Variants in PTPRQ observed in about 807,000 individuals in gnomAD.
PTPRQ encodes protein tyrosine phosphatase receptor type Q.
In PTPRQ, 199 loss-of-function variants were observed where a neutral mutation model predicts 246.0. That is an observed-to-expected ratio of 0.81 (90% CI 0.72 to 0.91). PTPRQ has a LOEUF of 0.91. Ranked by LOEUF, PTPRQ falls within the 40% of genes least tolerant of loss-of-function variation. PTPRQ has a pLI of 0.00. For missense variants in PTPRQ, 2,624 were observed against 2,528.4 expected, an observed-to-expected ratio of 1.04 and a Z score of -0.81; for synonymous variants, 869 against 853.2, an observed-to-expected ratio of 1.02 and a Z score of -0.32.
intron 17 of PTPRQ, among the ~76,000 whole-genome samples, chr12:80,515,005 G>C (rs1006923732): frequency 6.6e-6 from 1 of 151,224 alleles, no homozygotes; most frequent in African/African-American, 2.4e-5. Flanking sequence ...ATGCTTGCTG[G>C]AAGCTTTATG....
chr12:80,466,001 G>C (rs11503527), intron 6 of PTPRQ, among the ~76,000 whole-genome samples: 30,908 of 151,996 alleles, frequency 0.2, 5,250 homozygotes, highest in African/African-American at 0.47. Flanking sequence ...GGAAGTTCTG[G>C]CCAGGGCAAT....
intron 17 of PTPRQ, among the ~76,000 whole-genome samples, chr12:80,510,731 G>A (rs1403428441): frequency 6.6e-6 from 1 of 152,082 alleles, no homozygotes. Context: ...ATGAATGTAA[G>A]CATATACTTT....
intron 35 of PTPRQ, among the ~76,000 whole-genome samples, chr12:80,644,558 C>T (rs1426778740): frequency 6.6e-6 from 1 of 152,046 alleles, no homozygotes; most frequent in African/African-American, 2.4e-5. Context: ...TCGAAACTAG[C>T]ACTCCTGAAA....
intron 16 of PTPRQ, among the ~76,000 whole-genome samples, chr12:80,509,379 G>A (rs890136620): frequency 2.0e-5 from 3 of 152,034 alleles, no homozygotes; most frequent in Non-Finnish European, 4.4e-5. Flanking sequence ...ATTGGAAATA[G>A]TGATCTGTAT....
intron 38 of PTPRQ, among the ~76,000 whole-genome samples, chr12:80,654,355 T>G (rs1900358865): frequency 6.6e-6 from 1 of 152,192 alleles, no homozygotes; most frequent in Non-Finnish European, 1.5e-5. Context: ...CCTTTTATTC[T>G]TTCTTTTAGA....
intron 26 of PTPRQ, among the ~76,000 whole-genome samples, chr12:80,591,681 T>C (rs903505511): frequency 4.6e-4 from 70 of 152,176 alleles, no homozygotes; most frequent in Non-Finnish European, 2.2e-4. Flanking sequence ...ATAGCTATTC[T>C]AATATAACTA....
In PTPRQ at chr12:80,506,571, C is replaced by T; in HGVS notation, c.2458C>T (p.Leu820=). Residue 820 remains leucine (L), a splice_region_variant and synonymous_variant, in exon 16 of 45, where the codon CTG becomes TTG. Coordinates refer to ENST00000644991, the MANE Select transcript of PTPRQ (RefSeq NM_001145026.2). ...TTSLTQNIKV[L]KKYTQYIIEV... ...TTACCTATTTGATTTCTCTTTAGTA[C>T]TGAAGAAATATACCCAATATATCAT... 1 of 1,522,656 alleles carries T rather than the reference C, an allele frequency of 6.6e-7. No individual in the cohort carries two copies. The highest frequency in any genetic ancestry group is 8.9e-7 in the Non-Finnish European group (1 of 1,127,720). The allele number at this position is 1,522,656 out of a possible 1,614,324, so 94.3% of individuals were successfully genotyped here.
chr12:80,615,715 A>G (rs1205771992), intron 29 of PTPRQ, among the ~76,000 whole-genome samples: 11 of 151,124 alleles, frequency 7.3e-5, no homozygotes, highest in Non-Finnish European at 1.0e-4. Flanking sequence ...ATTTCATCTT[A>G]GAGAGGGAAA....
At chr12:80,444,467 A>G in intron 1 of PTPRQ, 68 bp downstream of exon 1, 1 of 931,822 alleles carries the variant, frequency 1.1e-6, no homozygotes, top group Non-Finnish European at 1.7e-6. Flanking sequence ...AGACTTGAAT[A>G]GTTGTTCCTT....
chr12:80,538,966 A>G (rs1489925528), intron 19 of PTPRQ, among the ~76,000 whole-genome samples: 1 of 152,138 alleles, frequency 6.6e-6, no homozygotes, highest in African/African-American at 2.4e-5. Context: ...AAATGGCTTC[A>G]TGTGGATTGG....
intron 26 of PTPRQ, among the ~76,000 whole-genome samples, chr12:80,591,453 T>C (rs1459344360): frequency 6.6e-6 from 1 of 152,072 alleles, no homozygotes; most frequent in Non-Finnish European, 1.5e-5. Flanking sequence ...CTAGAATAGT[T>C]CCCAGTACCA....
At chr12:80,667,819 G>T (rs1002475050) in intron 39 of PTPRQ, among the ~76,000 whole-genome samples, 1 of 151,790 alleles carries the variant, frequency 6.6e-6, no homozygotes, top group East Asian at 1.9e-4. Flanking sequence ...AATAAGAAAA[G>T]ATCCCTCACA....
rs1319571364 is a variant in PTPRQ, at chr12:80,616,275, A to G, written c.5230+9A>G. 4 of 1,470,850 alleles carry G rather than the reference A, an allele frequency of 2.7e-6. No individual in the cohort carries two copies. Among genetic ancestry groups the G allele is most frequent in the Non-Finnish European group, 2.7e-6 (3 of 1,109,194 alleles). 91.1% of individuals were successfully genotyped at this position (1,470,850 alleles called of 1,614,324 possible). A position where few individuals can be genotyped will look rare whatever the true frequency, so the allele number is the denominator to read the frequency against. Reference sequence around the variant, plus strand: ...AACCATGGATATCAAAGGTACATACATGAGCTACCTTCCTATGAAATGCTA... The same window carrying G: ...AACCATGGATATCAAAGGTACATACGTGAGCTACCTTCCTATGAAATGCTA... On this transcript the variant is annotated intron_variant, in intron 30 of 44. Coordinates refer to ENST00000644991, the MANE Select transcript of PTPRQ (RefSeq NM_001145026.2).
chr12:80,472,217 C>G lies in PTPRQ; in HGVS notation c.1152C>G (p.Pro384=), dbSNP rs1304699837. 1 of 1,551,338 alleles carries G rather than the reference C, an allele frequency of 6.4e-7. No individual in the cohort carries two copies. Among genetic ancestry groups the G allele is most frequent in the Admixed American group, 2.0e-5 (1 of 50,924 alleles). Residue 384 remains proline, a synonymous_variant, in exon 8 of 45, where the codon CCC becomes CCG. Transcript: ENST00000644991. ...IAAETSAGTG[P]KSNISVFTPP... is the part of the protein sequence containing the mutation. ...CTGAAACCAGTGCAGGGACTGGGCC[C>G]AAGTCAAATATTTCAGTATTCACTC...
At chr12:80,597,009 C>T (rs1014469093) in intron 26 of PTPRQ, among the ~76,000 whole-genome samples, 18 of 151,970 alleles carry the variant, frequency 1.2e-4, no homozygotes, top group South Asian at 2.1e-4. Context: ...TAGATCTTGA[C>T]TAGGACTTGA....
intron 8 of PTPRQ, among the ~76,000 whole-genome samples, chr12:80,483,892 T>A (rs113166740): frequency 6.6e-6 from 1 of 152,222 alleles, no homozygotes; most frequent in Non-Finnish European, 1.5e-5. Flanking sequence ...GCTTTATCCA[T>A]GTCCCTGCAA....
Position 80,634,971 on chromosome 12 carries a change from G to A in PTPRQ, c.5813G>A (p.Gly1938Asp). Residue 1938 changes from glycine to aspartate, a missense_variant, in exon 35 of 45, where the codon GGC (glycine) becomes GAC (aspartate). By Grantham distance (94) the Gly-to-Asp change is moderately conservative. Coordinates refer to ENST00000644991, the MANE Select transcript of PTPRQ (RefSeq NM_001145026.2). ...ARIRQKQKEG[G>D]TYSPQDAEII... is the part of the protein sequence containing the mutation. ...ATTCGACAGAAGCAGAAAGAAGGTG[G>A]CACATACTCTCCTCAGGATGCAGAA... 1 of 1,550,818 alleles carries A rather than the reference G, an allele frequency of 6.4e-7. No homozygotes were observed. The highest frequency in any genetic ancestry group is 8.7e-7 in the Non-Finnish European group (1 of 1,146,554).
intron 3 of PTPRQ, among the ~76,000 whole-genome samples, chr12:80,453,138 T>A (rs1429996817): frequency 6.6e-6 from 1 of 152,218 alleles, no homozygotes; most frequent in Non-Finnish European, 1.5e-5. Flanking sequence ...ACTGATACCC[T>A]TTCTTCCAGT....
chr12:80,619,385 T>C lies in PTPRQ; in HGVS notation c.5232T>C (p.Ala1744=), dbSNP rs1365529396. Residue 1744 remains alanine (A), a splice_region_variant and synonymous_variant, in exon 31 of 45, where the codon GCT becomes GCC. Coordinates refer to ENST00000644991, the MANE Select transcript of PTPRQ (RefSeq NM_001145026.2). ...GTGATATTTCTTCTTTGTTTATAGCTCCAGCACGACCAAAAACCAAACCAA... is the reference window on the plus strand; with the variant it reads ...GTGATATTTCTTCTTTGTTTATAGCCCCAGCACGACCAAAAACCAAACCAA... ...VPMRITMDIK[A]PARPKTKPTP... is the part of the protein sequence containing the mutation. The C allele has an allele frequency of 1.3e-6, 2 of 1,546,844 alleles. No homozygotes were observed. The highest frequency in any genetic ancestry group is 1.7e-6 in the Non-Finnish European group (2 of 1,144,070).
Sources: gnomAD v4.1 joint callset for allele counts (sites outside exome capture counted in the v4.1 genomes callset) on GRCh38, gnomAD v4.1.1 for gene constraint, MANE v1.5 for transcripts, NCBI Gene and HGNC (gene_info 2026-07-23, HGNC 2026-07-21) for gene names.